Variants in FRMPD1 observed in about 807,000 individuals in gnomAD.
FRMPD1 encodes FERM and PDZ domain containing 1, also known as FERM and PDZ domain-containing protein 1.
A neutral mutation model predicts 117.8 loss-of-function variants in FRMPD1; 76 were observed. That is an observed-to-expected ratio of 0.65 (90% CI 0.54 to 0.78). The LOEUF is 0.78. Among genes scored for constraint, FRMPD1 ranks in the 30% least tolerant of loss-of-function variants. The probability of loss-of-function intolerance (pLI) is 0.00; values close to 1 mark genes in which losing one functional copy is unlikely to be tolerated. For missense variants in FRMPD1, 1,786 were observed against 1,964.5 expected (o/e 0.91, Z 1.72); for synonymous variants, 783 against 770.4 (o/e 1.02, Z -0.27).
intron 5 of FRMPD1, 82 bp downstream of exon 5, chr9:37,711,477 A>G (rs996261075): frequency 3.1e-5 from 34 of 1,087,224 alleles, no homozygotes; most frequent in Non-Finnish European, 4.6e-5. Context: ...TATCCCTCAT[A>G]AAGTAAGCGG....
At chr9:37,667,609 C>T (rs1012363245) in intron 1 of FRMPD1, among the ~76,000 whole-genome samples, 8 of 150,096 alleles carry the variant, frequency 5.3e-5, no homozygotes, top group South Asian at 2.1e-4. Flanking sequence ...ACCCGGGAGG[C>T]GGAGGCAGAG....
chr9:37,740,579 G>T lies in FRMPD1; in HGVS notation c.2051G>T (p.Gly684Val). The T allele has an allele frequency of 6.2e-7, 1 of 1,614,228 alleles. No individual in the cohort carries two copies. The highest frequency in any genetic ancestry group is 2.2e-5 in the East Asian group (1 of 44,880). Residue 684 changes from glycine (G) to valine (V), a missense_variant, in exon 15 of 16, where the codon GGC becomes GTC. Transcript: ENST00000377765. This position sits in a 1 kb window ranked among gnomAD's most constrained non-coding sequence, Gnocchi z 4.2. ...GAGAGTGCTGCTTTGGAGACATTTG[G>T]CTGGGCACCAGAACTGAGCACAGTC... ...FSESAALETF[G>V]WAPELSTVRL...
At chr9:37,664,753 C>T (rs113102403) in intron 1 of FRMPD1, among the ~76,000 whole-genome samples, 51 of 152,168 alleles carry the variant, frequency 3.4e-4, no homozygotes, top group African/African-American at 1.2e-3. Context: ...ATAAAATCAG[C>T]AATAAAAGCA....
At chr9:37,648,427 C>T (rs1204815606), upstream of FRMPD1, among the ~76,000 whole-genome samples, 2 of 151,986 alleles carry the variant, frequency 1.3e-5, no homozygotes, top group African/African-American at 2.4e-5. Flanking sequence ...CTTTGCTGCA[C>T]GATCAAGAAG....
chr9:37,637,101 C>A, the FRMPD1 span: 1 of 1,587,146 alleles, frequency 6.3e-7, no homozygotes, highest in Non-Finnish European at 8.7e-7. Flanking sequence ...TCCTGGCCCG[C>A]CGTGTCCCAG....
chr9:37,687,888 A>G (rs1330298111), intron 1 of FRMPD1, among the ~76,000 whole-genome samples: 2 of 152,224 alleles, frequency 1.3e-5, no homozygotes, highest in Non-Finnish European at 2.9e-5. Flanking sequence ...ATCTGGAAAG[A>G]TATACAGGAT....
the FRMPD1 span, among the ~76,000 whole-genome samples, chr9:37,622,622 G>A: frequency 6.6e-6 from 1 of 152,166 alleles, no homozygotes; most frequent in Non-Finnish European, 1.5e-5. Context: ...CCTTTTTTGT[G>A]TTAGAAATGA....
Position 37,740,578 on chromosome 9 carries a change from G to C in FRMPD1, c.2050G>C (p.Gly684Arg), listed in dbSNP as rs1824347725. Residue 684 changes from glycine to arginine, a missense_variant, in exon 15 of 16, where the codon GGC (glycine) becomes CGC (arginine). Coordinates refer to ENST00000377765, the MANE Select transcript of FRMPD1 (RefSeq NM_014907.3). The surrounding 1 kb of genome is among the most constrained non-coding windows in gnomAD (Gnocchi z 4.2). The part of the protein sequence containing the change: ...FSESAALETF[G>R]WAPELSTVRL... ...CGAGAGTGCTGCTTTGGAGACATTT[G>C]GCTGGGCACCAGAACTGAGCACAGT... 1 of 1,614,202 alleles carries C rather than the reference G, an allele frequency of 6.2e-7. No individual in the cohort carries two copies. The highest frequency in any genetic ancestry group is 8.5e-7 in the Non-Finnish European group (1 of 1,180,034).
At chr9:37,654,344 G>A (rs1000609331) in intron 1 of FRMPD1, among the ~76,000 whole-genome samples, 4 of 152,200 alleles carry the variant, frequency 2.6e-5, no homozygotes, top group African/African-American at 9.7e-5. Context: ...GAGAGAGGGA[G>A]CCAGTCTTGC....
chr9:37,651,749 A>G (rs935387836), intron 1 of FRMPD1, among the ~76,000 whole-genome samples: 1 of 152,226 alleles, frequency 6.6e-6, no homozygotes, highest in Non-Finnish European at 1.5e-5. Flanking sequence ...CCATACACCC[A>G]CTGTCTGTGT....
intron 1 of FRMPD1, 107 bp from the exon 2 acceptor site, chr9:37,692,531 T>A (rs1822175134): frequency 1.3e-6 from 1 of 771,660 alleles, no homozygotes; most frequent in South Asian, 1.5e-5. Flanking sequence ...AGTTATTCGA[T>A]TAGCATGTCT....
intron 1 of FRMPD1, among the ~76,000 whole-genome samples, chr9:37,660,817 G>A (rs60438330): frequency 0.033 from 5,038 of 152,230 alleles, 283 homozygotes; most frequent in African/African-American, 0.12. Flanking sequence ...GGCAGGGACC[G>A]AGCCTTGCTG....
At position 37,740,585 on chromosome 9, in the gene FRMPD1, C is replaced by T. The variant is rs761807779; in HGVS notation, c.2057C>T (p.Ala686Val). The change falls in exon 15 of 16, where the codon GCA becomes GTA. Residue 686 changes from alanine (A) to valine (V), a missense_variant. By Grantham distance (64) the Ala-to-Val change is moderately conservative (BLOSUM62 0). Transcript: ENST00000377765. The surrounding 1 kb of genome is among the most constrained non-coding windows in gnomAD (Gnocchi z 4.2). The stretch of plus-strand genomic sequence containing the variant: ...GCTGCTTTGGAGACATTTGGCTGGG[C>T]ACCAGAACTGAGCACAGTCAGGCTG... Reference protein sequence around the residue: ...ESAALETFGWAPELSTVRLDP... With the variant: ...ESAALETFGWVPELSTVRLDP... 2.5e-5 allele frequency: 41 copies of T among 1,614,136 alleles called. No homozygotes were observed. Among genetic ancestry groups the T allele is most frequent in the African/African-American group, 4.0e-5 (3 of 74,946 alleles).
chr9:37,733,720 C>A lies in FRMPD1; in HGVS notation c.1123-10C>A, dbSNP rs376747897. 2.2e-4 allele frequency: 338 copies of A among 1,564,698 alleles called. No homozygotes were observed. Among genetic ancestry groups the A allele is most frequent in the Non-Finnish European group, 2.8e-4 (314 of 1,141,252 alleles). On this transcript the variant is annotated splice_polypyrimidine_tract_variant and intron_variant, in intron 11 of 15. Transcript: ENST00000377765. Reference sequence around the variant, plus strand: ...ACTCTGACTTCAAGTGTTTTTTTTTCTCTATTAAGCAACTTATTTCTGCTG... The same window carrying A: ...ACTCTGACTTCAAGTGTTTTTTTTTATCTATTAAGCAACTTATTTCTGCTG...
the FRMPD1 span, among the ~76,000 whole-genome samples, chr9:37,625,547 C>T: frequency 6.6e-6 from 1 of 152,158 alleles, no homozygotes; most frequent in East Asian, 1.9e-4. Flanking sequence ...AACCAAAGGA[C>T]TCTGGGACCC....
intron 15 of FRMPD1, among the ~76,000 whole-genome samples, chr9:37,743,369 A>G (rs947762884): frequency 2.0e-5 from 3 of 152,120 alleles, no homozygotes; most frequent in African/African-American, 4.8e-5. Context: ...ATCAGCACAA[A>G]GAAAAAGTGT....
the FRMPD1 span, among the ~76,000 whole-genome samples, chr9:37,606,489 G>T: frequency 6.6e-6 from 1 of 152,210 alleles, no homozygotes; most frequent in Non-Finnish European, 1.5e-5. Context: ...AAAGATACCT[G>T]TATTTTTCTG....
rs147406379 is a variant in FRMPD1, at chr9:37,740,729, C to A, written c.2201C>A (p.Pro734Gln). The change falls in exon 15 of 16, where the codon CCG becomes CAG. Residue 734 changes from proline (P) to glutamine (Q), a missense_variant. By Grantham distance (76) the Pro-to-Gln change is moderately conservative (BLOSUM62 -1). Transcript: ENST00000377765. The surrounding 1 kb of genome is among the most constrained non-coding windows in gnomAD (Gnocchi z 4.2). ...ESTASRQGGA[P>Q]PAWGQQGWTE... ...ACAGCTTCCCGGCAAGGGGGAGCCC[C>A]GCCAGCCTGGGGTCAGCAGGGCTGG... 1.2e-6 allele frequency: 2 copies of A among 1,614,088 alleles called. No homozygotes were observed. The highest frequency in any genetic ancestry group is 1.7e-6 in the Non-Finnish European group (2 of 1,179,984).
the FRMPD1 span, among the ~76,000 whole-genome samples, chr9:37,626,743 C>T: frequency 6.6e-6 from 1 of 150,670 alleles, no homozygotes; most frequent in Non-Finnish European, 1.5e-5. Context: ...GAGCTGTGAT[C>T]GGGCCACTGC....
Sources: allele counts gnomAD v4.1 joint callset (sites outside exome capture counted in the v4.1 genomes callset), GRCh38; gene constraint gnomAD v4.1.1; non-coding constraint Gnocchi (gnomAD v3.1); transcripts MANE v1.5; gene names NCBI Gene and HGNC (gene_info 2026-07-23, HGNC 2026-07-21).